COL15A1: variants seen among roughly 807,000 people sequenced by gnomAD.
The protein encoded by COL15A1 is collagen alpha-1(XV) chain.
In COL15A1, 111 loss-of-function variants were observed where a neutral mutation model predicts 165.9. The ratio of observed to expected loss-of-function variants is 0.67; its 90% CI spans 0.57 to 0.78. The LOEUF (loss-of-function observed/expected upper bound fraction) is 0.78, where lower values mean the gene tolerates loss of function less well. Among genes scored for constraint, COL15A1 ranks in the 30% least tolerant of loss-of-function variants. COL15A1 has a pLI of 0.00. For missense variants in COL15A1, 1,745 were observed against 1,789.7 expected, an observed-to-expected ratio of 0.98 and a Z score of 0.45; for synonymous variants, 659 against 674.8, an observed-to-expected ratio of 0.98 and a Z score of 0.36.
At chr9:98,951,907 C>A (rs1030592308) in intron 2 of COL15A1, among the ~76,000 whole-genome samples, 1 of 152,222 alleles carries the variant, frequency 6.6e-6, no homozygotes, top group Non-Finnish European at 1.5e-5. Context: ...TGGGGACCCC[C>A]AAATCATCCT....
intron 2 of COL15A1, among the ~76,000 whole-genome samples, chr9:98,973,226 ACAAGAGAG>A (rs1374315887): frequency 6.6e-5 from 10 of 152,130 alleles, no homozygotes; most frequent in African/African-American, 2.4e-4. Context: ...GAACGAGAGA[ACAAGAGAG>A]CAAGAGAGAA....
intron 22 of COL15A1, among the ~76,000 whole-genome samples, chr9:99,039,104 G>A (rs752326504): frequency 2.0e-5 from 3 of 152,192 alleles, no homozygotes; most frequent in Non-Finnish European, 4.4e-5. Context: ...CAAGGGAAAC[G>A]AGGAAGAAAT....
At chr9:99,031,572 C>T (rs546243548) in intron 16 of COL15A1, among the ~76,000 whole-genome samples, 31 of 152,292 alleles carry the variant, frequency 2.0e-4, no homozygotes, top group African/African-American at 5.5e-4. Flanking sequence ...GTCATGGCCT[C>T]ATCTTTCTCA....
At position 99,015,136 on chromosome 9, in the gene COL15A1, G is replaced by A. The variant is rs374988566; in HGVS notation, c.1354-281G>A. ...TTTTTCCCTTTGGCTTATTGATTTG[G>A]GGATCCTGAGATTTATTTTCCTTTC... On this transcript the variant is annotated intron_variant, in intron 9 of 41. Transcript: ENST00000375001. Among the ~76,000 whole-genome samples, 31 of 152,064 alleles carry A rather than the reference G, an allele frequency of 2.0e-4. No individual in the cohort carries two copies. In the East Asian group the frequency reaches 2.1e-3, roughly 10 times the overall value.
chr9:98,946,848 G>A (rs1371919096), intron 2 of COL15A1, among the ~76,000 whole-genome samples: 2 of 152,218 alleles, frequency 1.3e-5, no homozygotes, highest in African/African-American at 2.4e-5. Flanking sequence ...AGTAATATAA[G>A]CACAATTTGA....
chr9:98,989,432 T>C (rs1838378575), intron 5 of COL15A1, among the ~76,000 whole-genome samples, 174 bp downstream of exon 5: 1 of 152,100 alleles, frequency 6.6e-6, no homozygotes, highest in African/African-American at 2.4e-5. Context: ...CTTTGCAAAA[T>C]CCCCTGGTGA....
intron 5 of COL15A1, among the ~76,000 whole-genome samples, chr9:98,991,262 C>G (rs923079304): frequency 6.6e-6 from 1 of 152,148 alleles, no homozygotes; most frequent in East Asian, 1.9e-4. Flanking sequence ...TTATCTGACC[C>G]CCCCCCACAT....
chr9:98,945,432 T>C (rs1228743872), intron 2 of COL15A1, among the ~76,000 whole-genome samples: 1 of 152,244 alleles, frequency 6.6e-6, no homozygotes, highest in Admixed American at 6.5e-5. Context: ...ATGCTTTCTA[T>C]AGCTTCTGAC....
intron 30 of COL15A1, 36 bp from the exon 31 acceptor site, chr9:99,052,352 C>G: frequency 6.5e-7 from 1 of 1,541,092 alleles, no homozygotes; most frequent in Non-Finnish European, 9.0e-7. Flanking sequence ...CACGGCAGAG[C>G]TTGCAGTGCC....
chr9:98,971,988 T>G (rs576626288), intron 2 of COL15A1, among the ~76,000 whole-genome samples: 1 of 152,298 alleles, frequency 6.6e-6, no homozygotes, highest in East Asian at 1.9e-4. Flanking sequence ...ACTGACAGCT[T>G]GAGAGTGCCC....
intron 2 of COL15A1, among the ~76,000 whole-genome samples, chr9:98,952,318 T>G (rs1264516716): frequency 6.6e-6 from 1 of 152,194 alleles, no homozygotes; most frequent in Non-Finnish European, 1.5e-5. Context: ...TCTTCAATAG[T>G]GTAATAACTA....
chr9:98,978,321 C>A (rs551614018), intron 2 of COL15A1, among the ~76,000 whole-genome samples: 19 of 152,266 alleles, frequency 1.2e-4, no homozygotes, highest in African/African-American at 4.6e-4. Flanking sequence ...CTCCCTGTGT[C>A]GCCTGAACGC....
At position 99,066,875 on chromosome 9, in the gene COL15A1, T is replaced by C. The variant is rs200411739; in HGVS notation, c.3652-7T>C. ...CTGACTGCTCTCTTTTGTCTCACATTTTTCAGCTGCATTTGGCTGCTCTGA... is the reference window on the plus strand; with the variant it reads ...CTGACTGCTCTCTTTTGTCTCACATCTTTCAGCTGCATTTGGCTGCTCTGA... On this transcript the variant is annotated splice_polypyrimidine_tract_variant and splice_region_variant and intron_variant, in intron 39 of 41. Transcript: ENST00000375001. 1.1e-5 allele frequency: 18 copies of C among 1,610,282 alleles called. No homozygotes were observed. In the East Asian group the frequency reaches 3.6e-4, roughly 32 times the overall value.
intron 5 of COL15A1, among the ~76,000 whole-genome samples, chr9:98,994,332 C>G (rs1198133737): frequency 6.6e-6 from 1 of 152,170 alleles, no homozygotes; most frequent in Non-Finnish European, 1.5e-5. Context: ...GTTCTCTGGA[C>G]AGACCGAGCA....
chr9:98,988,879 C>G (rs1375627028), intron 4 of COL15A1, among the ~76,000 whole-genome samples: 1 of 151,976 alleles, frequency 6.6e-6, no homozygotes, highest in Non-Finnish European at 1.5e-5. Flanking sequence ...GCTGAGATCG[C>G]ACCACTGCAC....
chr9:98,981,035 G>A (rs989392), intron 2 of COL15A1, among the ~76,000 whole-genome samples: 31,725 of 152,154 alleles, frequency 0.21, 3,704 homozygotes, highest in African/African-American at 0.31. Flanking sequence ...GTAAGCAGGA[G>A]GAGATGTGTA....
At chr9:98,945,509 G>A (rs1263011031) in intron 2 of COL15A1, among the ~76,000 whole-genome samples, 4 of 148,414 alleles carry the variant, frequency 2.7e-5, no homozygotes, top group African/African-American at 7.4e-5. Flanking sequence ...GAAAGTCTAG[G>A]AAACAACCTC....
chr9:99,015,594 C>T, intron 10 of COL15A1, 28 bp downstream of exon 10: 2 of 1,606,758 alleles, frequency 1.2e-6, no homozygotes, highest in Non-Finnish European at 1.7e-6. Context: ...TCCTCTCTGG[C>T]TCACAGGGGA....
intron 16 of COL15A1, among the ~76,000 whole-genome samples, chr9:99,027,780 G>A (rs1187755718): frequency 6.6e-6 from 1 of 152,178 alleles, no homozygotes; most frequent in Non-Finnish European, 1.5e-5. Flanking sequence ...TTCTGATCAA[G>A]CAAAAACAGA....
Sources: gnomAD v4.1 joint callset for allele counts (sites outside exome capture counted in the v4.1 genomes callset) on GRCh38, gnomAD v4.1.1 for gene constraint, MANE v1.5 for transcripts, NCBI Gene and HGNC (gene_info 2026-07-23, HGNC 2026-07-21) for gene names.